The following HGF variants were observed in gnomAD, a reference collection of about 807,000 sequenced individuals.
HGF encodes hepatocyte growth factor.
In HGF, 39 loss-of-function variants were observed where a neutral mutation model predicts 111.6. The observed-to-expected ratio is 0.35, with a 90% CI of 0.27 to 0.46. The LOEUF (loss-of-function observed/expected upper bound fraction) is 0.46, where lower values mean the gene tolerates loss of function less well. Among genes scored for constraint, HGF ranks in the 20% least tolerant of loss-of-function variants. The pLI is 1.00. For missense variants in HGF, 735 were observed against 910.5 expected (o/e 0.81, Z 2.48); for synonymous variants, 285 against 294.8 (o/e 0.97, Z 0.34).
chr7:81,731,883 C>T (rs760577847), intron 7 of HGF, among the ~76,000 whole-genome samples: 3 of 152,084 alleles, frequency 2.0e-5, no homozygotes, highest in Non-Finnish European at 4.4e-5. Context: ...TCTTGGGCAG[C>T]AAACTTGTGA....
At chr7:81,745,900 A>G (rs373995512) in intron 5 of HGF, among the ~76,000 whole-genome samples, 21 of 152,334 alleles carry the variant, frequency 1.4e-4, no homozygotes, top group African/African-American at 5.1e-4. Flanking sequence ...ACTGAATCAC[A>G]TCAATTGCTG....
At chr7:81,751,754 T>C in intron 5 of HGF, 1 of 1,073,980 alleles carries the variant, frequency 9.3e-7, no homozygotes, top group Non-Finnish European at 1.1e-6. Context: ...TGAATAGAAT[T>C]AACATTGCTA....
intron 7 of HGF, among the ~76,000 whole-genome samples, chr7:81,739,186 A>G (rs1030979927): frequency 1.3e-5 from 2 of 151,980 alleles, no homozygotes; most frequent in Non-Finnish European, 2.9e-5. Context: ...AGTATAACCA[A>G]TTTGTCATTA....
rs546456660 is a variant in HGF, at chr7:81,701,418, T to G, written c.*1163A>C. ...TATTTTTATTTTTTTCTCCAATATATACTTTAATGCATGACTTGATGAAGG... is the reference window on the plus strand; with the variant it reads ...TATTTTTATTTTTTTCTCCAATATAGACTTTAATGCATGACTTGATGAAGG... On this transcript the variant is annotated 3_prime_UTR_variant, in exon 18 of 18. Coordinates refer to ENST00000222390, the MANE Select transcript of HGF (RefSeq NM_000601.6). 1 of 151,720 alleles carries G rather than the reference T, an allele frequency of 6.6e-6. No homozygotes were observed. The highest frequency in any genetic ancestry group is 2.1e-4 in the South Asian group (1 of 4,824). 9.4% of individuals were successfully genotyped at this position (151,720 alleles called of 1,614,324 possible).
chr7:81,744,790 A>G lies in HGF; in HGVS notation c.746+210T>C, dbSNP rs550426543. Among the ~76,000 whole-genome samples, 110 of 152,296 alleles carry G rather than the reference A, an allele frequency of 7.2e-4. 1 individual carries two copies. The highest frequency in any genetic ancestry group is 1.1e-3 in the Non-Finnish European group (77 of 68,022). The stretch of plus-strand genomic sequence containing the variant: ...AGTCAGTGTTCTCATGTACCTCATC[A>G]TAAATCTTTTTGCCCTTAGACTATT... On this transcript the variant is annotated intron_variant, in intron 6 of 17. Transcript: ENST00000222390.
At chr7:81,734,625 C>G (rs117551011) in intron 7 of HGF, among the ~76,000 whole-genome samples, 2 of 151,886 alleles carry the variant, frequency 1.3e-5, no homozygotes, top group African/African-American at 2.4e-5. Context: ...AACAAGATCA[C>G]TAATTAGAAA....
chr7:81,760,479 C>T (rs757868145), intron 2 of HGF, among the ~76,000 whole-genome samples: 26 of 152,042 alleles, frequency 1.7e-4, no homozygotes, highest in Non-Finnish European at 2.8e-4. Context: ...CAGATGGTTT[C>T]GCACACTTCT....
intron 3 of HGF, among the ~76,000 whole-genome samples, chr7:81,757,775 A>G (rs1196448745): frequency 6.6e-6 from 1 of 151,998 alleles, no homozygotes; most frequent in Admixed American, 6.6e-5. Flanking sequence ...ATTAGTTTCC[A>G]TATTTTTGCA....
intron 8 of HGF, among the ~76,000 whole-genome samples, chr7:81,728,975 G>A (rs1370971366): frequency 6.6e-6 from 1 of 152,130 alleles, no homozygotes; most frequent in Non-Finnish European, 1.5e-5. Context: ...AAAGTCAAAT[G>A]GTGTGAAAAG....
intron 7 of HGF, among the ~76,000 whole-genome samples, chr7:81,733,449 A>C (rs528825423): frequency 6.6e-6 from 1 of 152,114 alleles, no homozygotes; most frequent in African/African-American, 2.4e-5. Context: ...TAACAACTTA[A>C]TAGTTTTATT....
At chr7:81,747,934 T>TAAAAAAC (rs760739428) in intron 5 of HGF, among the ~76,000 whole-genome samples, 2 of 152,026 alleles carry the variant, frequency 1.3e-5, no homozygotes, top group Non-Finnish European at 2.9e-5. Flanking sequence ...AGACTCTGTC[T>TAAAAAAC]AAAAAACAAA....
intron 4 of HGF, 162 bp downstream of exon 4, chr7:81,757,027 G>A (rs1562905264): frequency 1.6e-6 from 1 of 627,004 alleles, no homozygotes; most frequent in Non-Finnish European, 2.9e-6. Context: ...TTAATCATTT[G>A]CTAAATATCA....
intron 1 of HGF, among the ~76,000 whole-genome samples, chr7:81,767,399 G>A (rs560687493): frequency 8.5e-5 from 13 of 152,114 alleles, no homozygotes; most frequent in African/African-American, 2.6e-4. Context: ...TCTTTGAACC[G>A]GCTAAATGAG....
intron 8 of HGF, among the ~76,000 whole-genome samples, chr7:81,727,702 T>A (rs1284526336): frequency 6.6e-6 from 1 of 152,150 alleles, no homozygotes; most frequent in African/African-American, 2.4e-5. Context: ...CCCAGGCTGG[T>A]CTTGAACTCC....
chr7:81,730,795 G>A (rs1277108901), intron 7 of HGF, among the ~76,000 whole-genome samples: 1 of 152,156 alleles, frequency 6.6e-6, no homozygotes, highest in African/African-American at 2.4e-5. Context: ...TGATAAAAGT[G>A]TAAACTTCCC....
rs1400844726 is a variant in HGF, at chr7:81,762,885, A to G, written c.89-13T>C. The G allele has an allele frequency of 4.3e-6, 6 of 1,407,472 alleles. No individual in the cohort carries two copies. The highest frequency in any genetic ancestry group is 6.0e-6 in the Non-Finnish European group (6 of 999,302). 87.2% of individuals were successfully genotyped at this position (1,407,472 alleles called of 1,614,324 possible). A position where few individuals can be genotyped will look rare whatever the true frequency, so the allele number is the denominator to read the frequency against. On this transcript the variant is annotated splice_polypyrimidine_tract_variant and intron_variant, in intron 1 of 17. Coordinates refer to ENST00000222390, the MANE Select transcript of HGF (RefSeq NM_000601.6). ...TTCCTTTGTCCCTCTATTAAATACAAAATGTTTTAAAAAAATAAACATTGG... is the reference window on the plus strand; with the variant it reads ...TTCCTTTGTCCCTCTATTAAATACAGAATGTTTTAAAAAAATAAACATTGG...
At chr7:81,716,373 T>A (rs1789712480) in intron 11 of HGF, among the ~76,000 whole-genome samples, 1 of 152,188 alleles carries the variant, frequency 6.6e-6, no homozygotes. Flanking sequence ...GATTTTGAAT[T>A]CACACTGTAA....
At chr7:81,746,889 A>C (rs1788279622) in intron 5 of HGF, among the ~76,000 whole-genome samples, 1 of 152,156 alleles carries the variant, frequency 6.6e-6, no homozygotes, top group Admixed American at 6.5e-5. Context: ...TTCAAATATG[A>C]ATGTGTGCAA....
At chr7:81,769,832 G>A in intron 1 of HGF, 52 bp downstream of exon 1, 1 of 1,325,770 alleles carries the variant, frequency 7.5e-7, no homozygotes, top group Non-Finnish European at 1.1e-6. Flanking sequence ...GGGAAGGTTA[G>A]CAGGAGAGTT....
Sources: gnomAD v4.1 joint callset for allele counts (sites outside exome capture counted in the v4.1 genomes callset) on GRCh38, gnomAD v4.1.1 for gene constraint, MANE v1.5 for transcripts, NCBI Gene and HGNC (gene_info 2026-07-23, HGNC 2026-07-21) for gene names.